MTARC2: variants seen among roughly 807,000 people sequenced by gnomAD.
MTARC2 encodes the protein MOCO sulphurase C-terminal domain containing 2.
In MTARC2, 27 loss-of-function variants were observed where a neutral mutation model predicts 35.6. The observed-to-expected ratio is 0.76, with a 90% CI of 0.56 to 1.04. The LOEUF (loss-of-function observed/expected upper bound fraction) is 1.04. Among genes scored for constraint, MTARC2 ranks in the 50% least tolerant of loss-of-function variants. The pLI is 0.00. For missense variants in MTARC2, 412 were observed against 432.5 expected, an observed-to-expected ratio of 0.95 and a Z score of 0.42; for synonymous variants, 158 against 167.1, an observed-to-expected ratio of 0.95 and a Z score of 0.42.
At chr1:220,774,979 A>G (rs1232340178) in intron 4 of MTARC2, among the ~76,000 whole-genome samples, 2 of 151,604 alleles carry the variant, frequency 1.3e-5, no homozygotes, top group Non-Finnish European at 2.9e-5. Context: ...GTGTACACAC[A>G]TTCGTATGCA....
intron 7 of MTARC2, 82 bp downstream of exon 7, chr1:220,782,014 C>T: frequency 8.4e-7 from 1 of 1,196,234 alleles, no homozygotes; most frequent in Non-Finnish European, 1.2e-6. Flanking sequence ...TTATGTTATG[C>T]TGCTTTAATT....
chr1:220,772,506 G>A (rs1671772327), intron 4 of MTARC2, among the ~76,000 whole-genome samples: 1 of 152,132 alleles, frequency 6.6e-6, no homozygotes, highest in Admixed American at 6.6e-5. Context: ...AATGTTTGAG[G>A]GTTTCCTAGT....
chr1:220,755,392 A>G (rs1671249933), intron 2 of MTARC2, among the ~76,000 whole-genome samples: 1 of 152,192 alleles, frequency 6.6e-6, no homozygotes, highest in Non-Finnish European at 1.5e-5. Flanking sequence ...ATACCAACAG[A>G]TTCTCTAGAA....
chr1:220,781,292 T>C (rs1279520402), intron 6 of MTARC2, among the ~76,000 whole-genome samples: 3 of 152,236 alleles, frequency 2.0e-5, no homozygotes, highest in Non-Finnish European at 4.4e-5. Flanking sequence ...AAGATTAACA[T>C]CTGCAGTAGT....
chr1:220,781,997 A>AT (rs368226064), intron 7 of MTARC2, 65 bp downstream of exon 7: 57 of 1,356,326 alleles, frequency 4.2e-5, no homozygotes, highest in African/African-American at 4.4e-5. Flanking sequence ...TCTTGTGTTA[A>AT]TTTTTTTTAT....
chr1:220,770,614 C>T, intron 4 of MTARC2: 1 of 962,520 alleles, frequency 1.0e-6, no homozygotes, highest in Non-Finnish European at 1.2e-6. Context: ...TCGCTGTTCT[C>T]TGGAGGGCTG....
rs1025306665 is a variant in MTARC2, at chr1:220,781,535, G to GT, written c.885-236dup. ...GTATTTATTTTATACTTACACATAA[G>GT]TTTTTTTCTTTTTGGACTTAAACTG... On this transcript the variant is annotated intron_variant, in intron 6 of 7. Coordinates refer to ENST00000366913, the MANE Select transcript of MTARC2 (RefSeq NM_017898.5). Among the ~76,000 whole-genome samples, 44 of 152,256 alleles carry GT rather than the reference G, an allele frequency of 2.9e-4. 1 individual carries two copies. The highest frequency in any genetic ancestry group is 2.5e-3 in the Admixed American group (38 of 15,282).
At chr1:220,748,893 C>G in intron 1 of MTARC2, 90 bp downstream of exon 1, 1 of 1,378,496 alleles carries the variant, frequency 7.3e-7, no homozygotes, top group Non-Finnish European at 9.4e-7. Flanking sequence ...CTGGGAAGGA[C>G]TATAGAGGTT....
chr1:220,761,272 T>A (rs1453841321), intron 2 of MTARC2, among the ~76,000 whole-genome samples: 1 of 152,220 alleles, frequency 6.6e-6, no homozygotes, highest in Non-Finnish European at 1.5e-5. Flanking sequence ...TCTGTTGGAT[T>A]CTAAGCTCAG....
intron 1 of MTARC2, among the ~76,000 whole-genome samples, chr1:220,749,427 CTTTTT>C (rs60380640): frequency 3.5e-4 from 35 of 98,700 alleles, no homozygotes; most frequent in Admixed American, 9.5e-4. Context: ...ATGCCTTCTT[CTTTTT>C]TTTTTTTTTT....
chr1:220,762,779 C>A, intron 3 of MTARC2, 131 bp from the exon 4 acceptor site: 2 of 970,662 alleles, frequency 2.1e-6, no homozygotes, highest in Non-Finnish European at 3.1e-6. Flanking sequence ...ACTCACATCT[C>A]TCTCCTTCCT....
intron 6 of MTARC2, 52 bp downstream of exon 6, chr1:220,780,291 C>T: frequency 6.6e-7 from 1 of 1,513,490 alleles, no homozygotes; most frequent in Non-Finnish European, 9.1e-7. Flanking sequence ...CACCCCAGAA[C>T]TACCTATGGG....
chr1:220,757,060 G>A (rs1200197521), intron 2 of MTARC2, among the ~76,000 whole-genome samples: 2 of 152,186 alleles, frequency 1.3e-5, no homozygotes, highest in Non-Finnish European at 2.9e-5. Flanking sequence ...GTGCCATGAC[G>A]CCCAGCTAAT....
At chr1:220,776,431 G>A (rs1671916692) in intron 4 of MTARC2, among the ~76,000 whole-genome samples, 1 of 151,922 alleles carries the variant, frequency 6.6e-6, no homozygotes, top group African/African-American at 2.4e-5. Flanking sequence ...TATTTTAATA[G>A]TATATAATTT....
intron 2 of MTARC2, among the ~76,000 whole-genome samples, chr1:220,761,366 C>T (rs1241512765): frequency 6.6e-6 from 1 of 152,244 alleles, no homozygotes; most frequent in Non-Finnish European, 1.5e-5. Context: ...CTTAGGCATA[C>T]AGAAGCTTGT....
chr1:220,784,275 C>A lies in MTARC2; in HGVS notation c.*388C>A. 3.6e-6 allele frequency: 1 copy of A among 277,490 alleles called. No homozygotes were observed. Among genetic ancestry groups the A allele is most frequent in the African/African-American group, 2.2e-5 (1 of 45,024 alleles). 17.2% of individuals were successfully genotyped at this position (277,490 alleles called of 1,614,324 possible). On this transcript the variant is annotated 3_prime_UTR_variant, in exon 8 of 8. Coordinates refer to ENST00000366913, the MANE Select transcript of MTARC2 (RefSeq NM_017898.5). ...TGCAAAAATGTTTTTAAAATGTGTG[C>A]CTTTTATTACCTATCAGTCTATGTT...
intron 4 of MTARC2, among the ~76,000 whole-genome samples, chr1:220,770,066 C>T (rs1302928515): frequency 6.6e-6 from 1 of 151,926 alleles, no homozygotes; most frequent in African/African-American, 2.4e-5. Context: ...GAGATCGCGC[C>T]ACTACACTCC....
At chr1:220,758,784 C>T (rs1488962940) in intron 2 of MTARC2, among the ~76,000 whole-genome samples, 1 of 151,670 alleles carries the variant, frequency 6.6e-6, no homozygotes, top group Non-Finnish European at 1.5e-5. Flanking sequence ...TGACTTCAAC[C>T]CTATATTGAA....
Position 220,784,061 on chromosome 1 carries a change from A to G in MTARC2, c.*174A>G. 2.9e-6 allele frequency: 2 copies of G among 688,258 alleles called. No individual in the cohort carries two copies. The highest frequency in any genetic ancestry group is 2.4e-4 in the Middle Eastern group (1 of 4,228). 42.6% of individuals were successfully genotyped at this position (688,258 alleles called of 1,614,324 possible). A position where few individuals can be genotyped will look rare whatever the true frequency, so the allele number is the denominator to read the frequency against. On this transcript the variant is annotated 3_prime_UTR_variant, in exon 8 of 8. Coordinates refer to ENST00000366913, the MANE Select transcript of MTARC2 (RefSeq NM_017898.5). ...GACTTTTCAAAGTTGTGTATGCTCC[A>G]GGTTAATGCAAGGAAAGTATTAGAG...
Sources: allele counts gnomAD v4.1 joint callset (sites outside exome capture counted in the v4.1 genomes callset), GRCh38; gene constraint gnomAD v4.1.1; transcripts MANE v1.5; gene names NCBI Gene and HGNC (gene_info 2026-07-23, HGNC 2026-07-21).